CPA6: variants seen among roughly 807,000 people sequenced by gnomAD.
The protein encoded by CPA6 is carboxypeptidase A6.
In CPA6, 58 loss-of-function variants were observed where a neutral mutation model predicts 63.3. That is an observed-to-expected ratio of 0.92 (90% CI 0.74 to 1.14). The LOEUF (loss-of-function observed/expected upper bound fraction) is 1.14. CPA6 is among the 50% of genes most tolerant of loss of function. CPA6 has a pLI of 0.00. For synonymous variants in CPA6, 185 were observed against 179.0 expected (o/e 1.03, Z -0.27); for missense variants, 565 against 526.6 (o/e 1.07, Z -0.71).
At chr8:67,743,978 A>G (rs979397258) in intron 1 of CPA6, among the ~76,000 whole-genome samples, 2 of 152,194 alleles carry the variant, frequency 1.3e-5, no homozygotes, top group African/African-American at 4.8e-5. Context: ...GAAACCAGCC[A>G]AAAAAACTGC....
intron 2 of CPA6, among the ~76,000 whole-genome samples, chr8:67,579,236 C>T (rs1052730267): frequency 2.0e-5 from 3 of 152,150 alleles, no homozygotes; most frequent in African/African-American, 4.8e-5. Flanking sequence ...CATGGCCAAA[C>T]CCCATCTCTA....
intron 8 of CPA6, among the ~76,000 whole-genome samples, chr8:67,472,350 CTAAG>C (rs992573851): frequency 6.9e-6 from 1 of 145,454 alleles, no homozygotes; most frequent in African/African-American, 2.7e-5. Flanking sequence ...ACTTTGAAAA[CTAAG>C]TTATTTGTAA....
At chr8:67,634,998 T>C (rs1453684398) in intron 1 of CPA6, among the ~76,000 whole-genome samples, 2 of 151,432 alleles carry the variant, frequency 1.3e-5, no homozygotes, top group Non-Finnish European at 2.9e-5. Context: ...AGCATCCTCC[T>C]GTCTCAGCCT....
intron 1 of CPA6, among the ~76,000 whole-genome samples, chr8:67,654,132 G>A (rs1409266535): frequency 6.6e-6 from 1 of 152,174 alleles, no homozygotes; most frequent in Non-Finnish European, 1.5e-5. Flanking sequence ...TGTGCTGCTG[G>A]ATTCCATTTG....
intron 3 of CPA6, 34 bp from the exon 4 acceptor site, chr8:67,511,689 A>G (rs1346310277): frequency 1.6e-6 from 2 of 1,274,946 alleles, no homozygotes; most frequent in Non-Finnish European, 1.1e-6. Flanking sequence ...ATGAAAAGTA[A>G]ATTGAGATAT....
At chr8:67,560,742 G>A (rs1813189465) in intron 2 of CPA6, among the ~76,000 whole-genome samples, 1 of 152,096 alleles carries the variant, frequency 6.6e-6, no homozygotes, top group African/African-American at 2.4e-5. Flanking sequence ...CTAGGGCCTT[G>A]AGCAAAATGG....
chr8:67,574,716 AC>A (rs1195568544), intron 2 of CPA6, among the ~76,000 whole-genome samples: 1 of 152,146 alleles, frequency 6.6e-6, no homozygotes, highest in Non-Finnish European at 1.5e-5. Context: ...CCCTTATCTC[AC>A]CCCATATACA....
chr8:67,493,296 C>T (rs535431115), intron 6 of CPA6, among the ~76,000 whole-genome samples: 106 of 152,186 alleles, frequency 7.0e-4, no homozygotes, highest in African/African-American at 2.4e-3. Context: ...TATATTTTAC[C>T]TTTAATGAGC....
At chr8:67,658,880 C>T (rs1401996842) in intron 1 of CPA6, among the ~76,000 whole-genome samples, 2 of 152,128 alleles carry the variant, frequency 1.3e-5, no homozygotes, top group Non-Finnish European at 2.9e-5. Context: ...CTCCTCTCCC[C>T]TCTGCTGCTC....
chr8:67,646,233 C>T (rs1040029420), intron 1 of CPA6, among the ~76,000 whole-genome samples: 2 of 152,230 alleles, frequency 1.3e-5, no homozygotes, highest in East Asian at 1.9e-4. Flanking sequence ...TACCAACTCT[C>T]AGAAAAGACA....
intron 2 of CPA6, among the ~76,000 whole-genome samples, chr8:67,582,937 T>C (rs1018084410): frequency 1.3e-5 from 2 of 152,130 alleles, no homozygotes; most frequent in Non-Finnish European, 2.9e-5. Context: ...GGGTTGATAG[T>C]CTTTATTTAT....
At chr8:67,737,715 T>C (rs1262978223) in intron 1 of CPA6, among the ~76,000 whole-genome samples, 1 of 152,244 alleles carries the variant, frequency 6.6e-6, no homozygotes, top group African/African-American at 2.4e-5. Context: ...AGACATGAAA[T>C]GAAATCCTCC....
At chr8:67,583,398 G>A (rs1432549403) in intron 2 of CPA6, among the ~76,000 whole-genome samples, 1 of 152,144 alleles carries the variant, frequency 6.6e-6, no homozygotes, top group Non-Finnish European at 1.5e-5. Flanking sequence ...TTGGGTTTGT[G>A]TAATGGTCTT....
intron 1 of CPA6, among the ~76,000 whole-genome samples, chr8:67,677,088 G>A (rs1483157092): frequency 6.6e-6 from 1 of 152,160 alleles, no homozygotes. Context: ...ATCTGTTAGT[G>A]CTGACTCCTC....
intron 8 of CPA6, 36 bp downstream of exon 8, chr8:67,483,732 C>G: frequency 6.4e-7 from 1 of 1,562,894 alleles, no homozygotes; most frequent in South Asian, 1.1e-5. Flanking sequence ...CCTGCAGAAA[C>G]CTTTGGATCT....
chr8:67,705,403 C>T (rs1208830375), intron 1 of CPA6, among the ~76,000 whole-genome samples: 2 of 152,176 alleles, frequency 1.3e-5, no homozygotes, highest in Non-Finnish European at 2.9e-5. Flanking sequence ...TAAGAGCTGC[C>T]TACTCTGTGC....
At chr8:67,563,581 T>C (rs988993549) in intron 2 of CPA6, among the ~76,000 whole-genome samples, 2 of 152,088 alleles carry the variant, frequency 1.3e-5, no homozygotes, top group Admixed American at 1.3e-4. Context: ...GGAGTTTGGG[T>C]AGGGAGAAGG....
At chr8:67,543,608 T>C (rs1194569562) in intron 2 of CPA6, among the ~76,000 whole-genome samples, 1 of 152,116 alleles carries the variant, frequency 6.6e-6, no homozygotes, top group Non-Finnish European at 1.5e-5. Context: ...TGTGGCAAAA[T>C]TCATGATAAA....
chr8:67,733,731 C>T (rs531954475), intron 1 of CPA6, among the ~76,000 whole-genome samples: 25 of 149,764 alleles, frequency 1.7e-4, no homozygotes, highest in Non-Finnish European at 3.5e-4. Flanking sequence ...TGACTGAATA[C>T]ACAAGGTATT....
Sources: gnomAD v4.1 joint callset for allele counts (sites outside exome capture counted in the v4.1 genomes callset) on GRCh38, gnomAD v4.1.1 for gene constraint, MANE v1.5 for transcripts, NCBI Gene and HGNC (gene_info 2026-07-23, HGNC 2026-07-21) for gene names.